MYBPC3: variants seen among roughly 807,000 people sequenced by gnomAD.
The protein encoded by MYBPC3 is myosin-binding protein C, cardiac-type.
Under a neutral mutation model 159.3 loss-of-function variants are expected in MYBPC3, and 108 were observed. That is an observed-to-expected ratio of 0.68 (90% CI 0.58 to 0.80). MYBPC3 has a LOEUF of 0.80. MYBPC3 is among the 30% of genes least tolerant of loss of function. The pLI, the probability that MYBPC3 is intolerant of heterozygous loss-of-function variation, is 0.00. For synonymous variants in MYBPC3, 730 were observed against 702.0 expected (o/e 1.04, Z -0.63); for missense variants, 1,631 against 1,762.1 (o/e 0.93, Z 1.33).
chr11:47,348,085 G>GT, intron 6 of MYBPC3, among the ~76,000 whole-genome samples, 180 bp from the exon 7 acceptor site: 1 of 152,168 alleles, frequency 6.6e-6, no homozygotes, highest in East Asian at 1.9e-4. Flanking sequence ...TACCAGGCAG[G>GT]TGGGACGGTT....
intron 1 of MYBPC3, 102 bp downstream of exon 1, chr11:47,352,521 C>T (rs1328693154): frequency 8.8e-6 from 13 of 1,475,550 alleles, no homozygotes; most frequent in East Asian, 5.2e-5. Context: ...TCAGAGGCCA[C>T]GTCCTCGTCA....
At chr11:47,339,853 G>A in intron 20 of MYBPC3, 63 bp from the exon 21 acceptor site, 2 of 1,566,416 alleles carry the variant, frequency 1.3e-6, no homozygotes, top group Non-Finnish European at 1.7e-6. Context: ...GGTCACTGGG[G>A]CGGGGCTGCT....
chr11:47,352,234 C>T (rs967104788), intron 1 of MYBPC3, among the ~76,000 whole-genome samples: 1 of 152,160 alleles, frequency 6.6e-6, no homozygotes, highest in African/African-American at 2.4e-5. Context: ...TGGGTAGAGA[C>T]TGGTCTGAAG....
At position 47,340,880 on chromosome 11, in the gene MYBPC3, A is replaced by G. The variant is rs2697926; in HGVS notation, c.1927+123T>C. ...CCCATGGTCATGAGTGGCAAAGCTG[A>G]AGCTGGGCCCCAGGACCCCCACTTT... On this transcript the variant is annotated intron_variant, in intron 20 of 34. Transcript: ENST00000545968. 1,134,394 of 1,136,112 alleles carry G rather than the reference A, an allele frequency of 1. 566,342 individuals are homozygous for G. The highest frequency in any genetic ancestry group is 1 in the East Asian group (35,906 of 35,906). 70.4% of individuals were successfully genotyped at this position (1,136,112 alleles called of 1,614,324 possible).
rs1064796634 is a variant in MYBPC3 at position 47,332,078 on chromosome 11, C to A, written c.3808G>T (p.Val1270Leu). 1 of 1,609,872 alleles carries A rather than the reference C, an allele frequency of 6.2e-7. No individual in the cohort carries two copies. The highest frequency in any genetic ancestry group is 8.5e-7 in the Non-Finnish European group (1 of 1,177,314). ...GEARCECRLE[V>L]RVPQ The stretch of plus-strand genomic sequence containing the variant: ...GGCCCCGAGGGCTCCTCACCTCGCA[C>A]CTCCAGGCGGCACTCACACCGTGCC... The change falls in exon 33 of 35, where the codon GTG (valine) becomes TTG (leucine). Residue 1270 changes from valine to leucine, a missense_variant. Val to Leu is a conservative substitution (Grantham distance 32). Transcript: ENST00000545968. The surrounding 1 kb of genome is among the most constrained non-coding windows in gnomAD (Gnocchi z 4.2).
rs764557472 is a variant in MYBPC3, at chr11:47,351,444, G to A, written c.87C>T (p.Phe29=). ...CTCCTGCCCGCTCTGTCTCGGCCTC[G>A]AACACGGCAGGGCTGCCTGCGGCCA... ...VEVAAGSPAV[F]EAETERAGVK... is the part of the protein sequence containing the mutation. Residue 29 remains phenylalanine, a synonymous_variant, in exon 2 of 35, where the codon TTC becomes TTT. Coordinates refer to ENST00000545968, the MANE Select transcript of MYBPC3 (RefSeq NM_000256.3). This position sits in a 1 kb window ranked among gnomAD's most constrained non-coding sequence, Gnocchi z 4.2. 7 of 1,608,200 alleles carry A rather than the reference G, an allele frequency of 4.4e-6. No individual in the cohort carries two copies. Among genetic ancestry groups the A allele is most frequent in the Middle Eastern group, 1.6e-4 (1 of 6,070 alleles).
chr11:47,339,272 T>C lies in MYBPC3; in HGVS notation c.2148+52A>G. On this transcript the variant is annotated intron_variant, in intron 22 of 34. Coordinates refer to ENST00000545968, the MANE Select transcript of MYBPC3 (RefSeq NM_000256.3). ...CGCCAAGGGCTCGGCACCACGTAGG[T>C]AGAAAGTGATGAAAGACAAACGAGC... is the stretch of plus-strand genomic sequence containing the variant. The C allele has an allele frequency of 3.8e-6, 6 of 1,589,598 alleles. No individual in the cohort carries two copies. The Admixed American group carries it at 1.0e-4, about 26-fold the overall frequency.
In MYBPC3 at chr11:47,338,497, G is replaced by A. The variant is rs2095884814; in HGVS notation, c.2308+23C>T. 1.2e-6 allele frequency: 2 copies of A among 1,613,696 alleles called. No individual in the cohort carries two copies. Among genetic ancestry groups the A allele is most frequent in the African/African-American group, 2.7e-5 (2 of 74,928 alleles). ...TGGGGCTGCCCCTCTGTGTTCTCCA[G>A]CTTGGACCCCGGCCGGCCTCACCGA... On this transcript the variant is annotated intron_variant, in intron 23 of 34. Transcript: ENST00000545968. The surrounding 1 kb of genome is among the most constrained non-coding windows in gnomAD (Gnocchi z 4.7).
intron 20 of MYBPC3, among the ~76,000 whole-genome samples, chr11:47,340,681 TA>T (rs904179589): frequency 8.0e-5 from 12 of 149,414 alleles, no homozygotes; most frequent in Middle Eastern, 3.4e-3. Flanking sequence ...AAAATAAAAA[TA>T]AAAAAAAAGG....
At chr11:47,340,630 T>C (rs1362315051) in intron 20 of MYBPC3, among the ~76,000 whole-genome samples, 3 of 151,622 alleles carry the variant, frequency 2.0e-5, no homozygotes, top group South Asian at 2.1e-4. Context: ...TCGCGCCACT[T>C]CTCTCCAGCG....
chr11:47,341,931 G>C (rs2142860016), intron 18 of MYBPC3, 60 bp downstream of exon 18: 2 of 1,538,336 alleles, frequency 1.3e-6, no homozygotes, highest in Non-Finnish European at 1.8e-6. Flanking sequence ...TTCTCCCTGT[G>C]TCTCTCTCTG....
At position 47,339,378 on chromosome 11, in the gene MYBPC3, G is replaced by T. The variant is rs1315800901; in HGVS notation, c.2094C>A (p.Ala698=). 6.2e-7 allele frequency: 1 copy of T among 1,614,042 alleles called. No homozygotes were observed. Among genetic ancestry groups the T allele is most frequent in the South Asian group, 1.1e-5 (1 of 91,086 alleles). The change falls in exon 22 of 35, where the codon GCC becomes GCA. Residue 698 remains alanine (A), a synonymous_variant. Transcript: ENST00000545968. ...TQGNKAPARP[A]PDAPEDTGDS... Reference sequence around the variant, plus strand: ...CACCTGTGTCCTCTGGGGCATCTGGGGCTGGCCTGGCTGGGGCCTTATTCC... The same window carrying T: ...CACCTGTGTCCTCTGGGGCATCTGGTGCTGGCCTGGCTGGGGCCTTATTCC...
rs769949300 is a variant in MYBPC3, at chr11:47,335,864, C to T, written c.2737+13G>A. 2.2e-5 allele frequency: 32 copies of T among 1,438,768 alleles called. No homozygotes were observed. The highest frequency in any genetic ancestry group is 1.3e-4 in the South Asian group (9 of 71,282). 89.1% of individuals were successfully genotyped at this position (1,438,768 alleles called of 1,614,324 possible). On this transcript the variant is annotated intron_variant, in intron 26 of 34. Transcript: ENST00000545968. ...TTCCTTTGGGGAGGGGGGTTGGGGG[C>T]GGGGACACTCACAGCCCTCTGGGCA...
Position 47,338,445 on chromosome 11 carries a change from T to C in MYBPC3, c.2308+75A>G. 4 of 1,596,204 alleles carry C rather than the reference T, an allele frequency of 2.5e-6. No homozygotes were observed. Among genetic ancestry groups the C allele is most frequent in the Non-Finnish European group, 3.4e-6 (4 of 1,168,624 alleles). ...ATGCCCGTGATGTTTGTCGAGTGGC[T>C]GAATGAGCGAACGGATGGGCCCTCC... On this transcript the variant is annotated intron_variant, in intron 23 of 34. Coordinates refer to ENST00000545968, the MANE Select transcript of MYBPC3 (RefSeq NM_000256.3). The surrounding 1 kb of genome is among the most constrained non-coding windows in gnomAD (Gnocchi z 4.7).
intron 30 of MYBPC3, 63 bp downstream of exon 30, chr11:47,333,131 C>A: frequency 6.4e-7 from 1 of 1,553,466 alleles, no homozygotes; most frequent in Admixed American, 1.9e-5. Flanking sequence ...TGAAGGGTAG[C>A]TGCGGCCTGG....
At position 47,342,927 on chromosome 11, in the gene MYBPC3, CA is replaced by C. The variant is rs863225271; in HGVS notation, c.1359del (p.Val454CysfsTer12). The stretch of plus-strand genomic sequence containing the variant: ...TCCTCCAAGGGGCGCGTGATGAGCA[CA>C]GGGGGCTCTGTCCAGGCAGGGTGAG... ...CSTELFVKEPPVLITRPLEDQ... is the reference protein window; with the variant it reads ...CSTELFVKEPXVLITRPLEDQ... On this transcript the variant is annotated frameshift_variant, in exon 16 of 35. Transcript: ENST00000545968. LOFTEE classifies it high-confidence loss of function. The C allele has an allele frequency of 6.2e-7, 1 of 1,611,632 alleles. No homozygotes were observed. Among genetic ancestry groups the C allele is most frequent in the Non-Finnish European group, 8.5e-7 (1 of 1,178,838 alleles).
In MYBPC3 at chr11:47,349,917, T is replaced by C; in HGVS notation, c.511A>G (p.Ser171Gly). The change falls in exon 5 of 35, where the codon AGC becomes GGC. Residue 171 changes from serine to glycine, a missense_variant. Ser to Gly is a moderately conservative substitution (Grantham distance 56). Coordinates refer to ENST00000545968, the MANE Select transcript of MYBPC3 (RefSeq NM_000256.3). Reference protein sequence around the residue: ...PQDGEVTVGGSITFSARVAGA... With the variant: ...PQDGEVTVGGGITFSARVAGA... Reference sequence around the variant, plus strand: ...GCCACGCGGGCTGAGAAGGTGATGCTGCCACCTGCAAAGGCAGGGGCGACA... The same window carrying C: ...GCCACGCGGGCTGAGAAGGTGATGCCGCCACCTGCAAAGGCAGGGGCGACA... The C allele has an allele frequency of 6.3e-7, 1 of 1,586,488 alleles. No homozygotes were observed. Among genetic ancestry groups the C allele is most frequent in the Non-Finnish European group, 8.6e-7 (1 of 1,167,572 alleles).
intron 1 of MYBPC3, among the ~76,000 whole-genome samples, chr11:47,352,323 A>G (rs2095901725): frequency 6.6e-6 from 1 of 152,028 alleles, no homozygotes; most frequent in Non-Finnish European, 1.5e-5. Flanking sequence ...AGGTGAAGGC[A>G]ATGGGACAGG....
chr11:47,337,422 GGGCCTGGACAT>G lies in MYBPC3; in HGVS notation c.2560_2570del (p.Met854GlnfsTer26), dbSNP rs2095883336. 1 of 1,604,610 alleles carries G rather than the reference GGGCCTGGACAT, an allele frequency of 6.2e-7. No homozygotes were observed. The highest frequency in any genetic ancestry group is 1.3e-5 in the African/African-American group (1 of 74,854). On this transcript the variant is annotated frameshift_variant, in exon 25 of 35. Transcript: ENST00000545968. LOFTEE classifies it high-confidence loss of function. ...GCATGAAGGGCTGGGAGGCAGGGCTGGGCCTGGACATGCCGATGGCGTTGACCGCGTAGACG... is the reference window on the plus strand; with the variant it reads ...GCATGAAGGGCTGGGAGGCAGGGCTGGCCGATGGCGTTGACCGCGTAGACG...
Sources: allele counts gnomAD v4.1 joint callset (sites outside exome capture counted in the v4.1 genomes callset), GRCh38; gene constraint gnomAD v4.1.1; non-coding constraint Gnocchi (gnomAD v3.1); transcripts MANE v1.5; gene names NCBI Gene and HGNC (gene_info 2026-07-23, HGNC 2026-07-21).